The following SOX5 variants were observed in gnomAD, a reference collection of about 807,000 sequenced individuals.
SOX5 encodes SRY-box transcription factor 5.
In SOX5, 9 loss-of-function variants were observed where a neutral mutation model predicts 92.0. The observed-to-expected ratio is 0.10, with a 90% CI of 0.06 to 0.17. SOX5 has a LOEUF of 0.17. SOX5 is among the 10% of genes least tolerant of loss of function. The pLI is 1.00. For missense variants in SOX5, 642 were observed against 944.5 expected, an observed-to-expected ratio of 0.68 and a Z score of 4.20; for synonymous variants, 344 against 336.3, an observed-to-expected ratio of 1.02 and a Z score of -0.25.
intron 4 of SOX5, among the ~76,000 whole-genome samples, chr12:23,747,958 G>C (rs1327379479): frequency 2.6e-5 from 2 of 77,436 alleles, no homozygotes; most frequent in African/African-American, 9.1e-5. Flanking sequence ...AAATGAAAGA[G>C]ATTAAAAAAA....
rs367872469 is a variant in SOX5 at position 24,101,478 on chromosome 12, T to C, written c.-2+111865A>G. 4.6e-5 allele frequency among the ~76,000 whole-genome samples: 7 copies of C among 152,270 alleles called. No homozygotes were observed. In the East Asian group the frequency reaches 1.3e-3, roughly 29 times the overall value. ...ACAATTACCTTTTTTAACTTAATTA[T>C]TGTCTACTTGCCCCAGTAGAACAGT... On this transcript the variant is annotated intron_variant, in intron 4 of 4. Transcript: ENST00000446891.
intron 4 of SOX5, chr12:24,212,414 G>T (rs552155372): frequency 1.9e-6 from 1 of 533,394 alleles, no homozygotes; most frequent in African/African-American, 1.9e-5. Flanking sequence ...AACTGAAAAA[G>T]CCACTGGTAG....
intron 4 of SOX5, among the ~76,000 whole-genome samples, chr12:24,066,640 T>C (rs1334995171): frequency 6.6e-6 from 1 of 152,228 alleles, no homozygotes; most frequent in Non-Finnish European, 1.5e-5. Flanking sequence ...AAAAAAGTTC[T>C]ACATTTCTGC....
chr12:24,307,286 C>T (rs966715795), intron 2 of SOX5, among the ~76,000 whole-genome samples: 4 of 152,014 alleles, frequency 2.6e-5, no homozygotes, highest in African/African-American at 7.2e-5. Context: ...GGGATTTAGT[C>T]AAAATGTCAT....
At chr12:24,446,197 A>C (rs935404044) in intron 1 of SOX5, among the ~76,000 whole-genome samples, 11 of 152,222 alleles carry the variant, frequency 7.2e-5, no homozygotes, top group Admixed American at 5.9e-4. Context: ...ACAAATGACT[A>C]ATAAATTATT....
At chr12:24,485,008 T>C (rs1279702690) in intron 1 of SOX5, among the ~76,000 whole-genome samples, 2 of 151,738 alleles carry the variant, frequency 1.3e-5, no homozygotes, top group African/African-American at 4.8e-5. Context: ...GATCCAGGAG[T>C]TGGAATTTAA....
At chr12:23,953,063 G>A (rs932990343), upstream of SOX5, among the ~76,000 whole-genome samples, 1 of 152,066 alleles carries the variant, frequency 6.6e-6, no homozygotes, top group Non-Finnish European at 1.5e-5. Context: ...AGCTAATACT[G>A]TATATGATGG....
chr12:23,960,624 T>C (rs1239967370), intron 4 of SOX5, among the ~76,000 whole-genome samples: 1 of 149,290 alleles, frequency 6.7e-6, no homozygotes, highest in Non-Finnish European at 1.5e-5. Flanking sequence ...CACGATGGAA[T>C]ACTACACAGC....
intron 2 of SOX5, among the ~76,000 whole-genome samples, chr12:23,848,624 T>C (rs1345285223): frequency 6.6e-6 from 1 of 152,172 alleles, no homozygotes; most frequent in African/African-American, 2.4e-5. Flanking sequence ...GGAAATCCTA[T>C]CTTTTTCAGA....
At chr12:23,837,180 C>T (rs1380129320) in intron 3 of SOX5, among the ~76,000 whole-genome samples, 9 of 135,910 alleles carry the variant, frequency 6.6e-5, no homozygotes, top group African/African-American at 2.4e-4. Context: ...TATACATCTC[C>T]ATATATACAT....
chr12:24,259,237 CAAG>C (rs1941723864), intron 3 of SOX5, among the ~76,000 whole-genome samples: 1 of 152,022 alleles, frequency 6.6e-6, no homozygotes, highest in Non-Finnish European at 1.5e-5. Context: ...AGAGAGAGAG[CAAG>C]TGAGCGAGAG....
chr12:24,245,978 C>T (rs143455365), intron 3 of SOX5, among the ~76,000 whole-genome samples: 3 of 152,232 alleles, frequency 2.0e-5, no homozygotes, highest in Non-Finnish European at 4.4e-5. Flanking sequence ...TAGTGTAGAA[C>T]TGTATGTTTA....
intron 2 of SOX5, among the ~76,000 whole-genome samples, chr12:23,884,362 G>C (rs900650537): frequency 5.9e-5 from 9 of 152,068 alleles, no homozygotes; most frequent in Admixed American, 3.9e-4. Context: ...CTTATAGCCA[G>C]AACACAAATT....
At chr12:24,029,225 C>T (rs1955214806) in intron 4 of SOX5, among the ~76,000 whole-genome samples, 1 of 151,832 alleles carries the variant, frequency 6.6e-6, no homozygotes, top group Admixed American at 6.6e-5. Flanking sequence ...GTTAAATGTA[C>T]CTTAATAGAA....
intron 4 of SOX5, among the ~76,000 whole-genome samples, chr12:23,979,991 A>G (rs1949416751): frequency 6.6e-6 from 1 of 151,724 alleles, no homozygotes; most frequent in South Asian, 2.1e-4. Flanking sequence ...ATAGATAGAT[A>G]GTAGAGACAG....
intron 11 of SOX5, among the ~76,000 whole-genome samples, 186 bp downstream of exon 11, chr12:23,563,072 A>C (rs953209681): frequency 1.3e-5 from 2 of 152,216 alleles, no homozygotes; most frequent in African/African-American, 4.8e-5. Context: ...CAAGAGAATT[A>C]TAACTCTTTC....
At chr12:23,586,059 C>T (rs1950683765) in intron 9 of SOX5, among the ~76,000 whole-genome samples, 1 of 152,080 alleles carries the variant, frequency 6.6e-6, no homozygotes, top group African/African-American at 2.4e-5. Context: ...TTGAACATCC[C>T]CTTCCTCTGC....
At chr12:23,854,241 C>T (rs911260964) in intron 2 of SOX5, among the ~76,000 whole-genome samples, 4 of 152,126 alleles carry the variant, frequency 2.6e-5, no homozygotes, top group Admixed American at 2.0e-4. Flanking sequence ...AGTGAAGAAG[C>T]TAAACGTTTG....
In SOX5 at chr12:24,226,465, T is replaced by A. The variant is rs113583760; in HGVS notation, c.-76-13048A>T. 3.6e-4 allele frequency among the ~76,000 whole-genome samples: 55 copies of A among 150,718 alleles called. 1 individual carries two copies. Among genetic ancestry groups the A allele is most frequent in the African/African-American group, 1.3e-3 (53 of 41,446 alleles). On this transcript the variant is annotated intron_variant, in intron 3 of 4. Transcript: ENST00000446891. ...ACTGCATAGAGATCTTCCTCATTAT[T>A]TTATTTATTTATTTATTTATTTTGA...
Sources: gnomAD v4.1 joint callset for allele counts (sites outside exome capture counted in the v4.1 genomes callset) on GRCh38, gnomAD v4.1.1 for gene constraint, MANE v1.5 for transcripts, NCBI Gene and HGNC (gene_info 2026-07-23, HGNC 2026-07-21) for gene names.